LRRC4C: variants seen among roughly 807,000 people sequenced by gnomAD.
The protein encoded by LRRC4C is leucine-rich repeat-containing protein 4C.
A neutral mutation model predicts 33.6 loss-of-function variants in LRRC4C; 5 were observed. The observed-to-expected ratio is 0.15, with a 90% CI of 0.08 to 0.31. LRRC4C has a LOEUF of 0.31. LRRC4C is among the 10% of genes least tolerant of loss of function. LRRC4C has a pLI of 1.00. For synonymous variants in LRRC4C, 329 were observed against 302.0 expected (o/e 1.09, Z -0.93); for missense variants, 560 against 796.7 (o/e 0.70, Z 3.58).
intron 3 of LRRC4C, among the ~76,000 whole-genome samples, chr11:40,356,001 A>T (rs571552580): frequency 6.6e-6 from 1 of 152,132 alleles, no homozygotes; most frequent in East Asian, 1.9e-4. Flanking sequence ...ATAGTATGAG[A>T]TTAAGTGCAT....
intron 3 of LRRC4C, among the ~76,000 whole-genome samples, chr11:40,547,294 C>A (rs1271726737): frequency 6.6e-6 from 1 of 151,818 alleles, no homozygotes; most frequent in Non-Finnish European, 1.5e-5. Context: ...TTTTTCATTT[C>A]TTTCTAAAAT....
rs954697644 is a variant in LRRC4C at position 41,142,067 on chromosome 11, G to A, written c.-495-208344C>T. On this transcript the variant is annotated intron_variant, in intron 1 of 6. Transcript: ENST00000528697. ...ACTGGTATATCTATAGGACTAATGAGCTAATTTTTTATTACAATTACAAAA... is the reference window on the plus strand; with the variant it reads ...ACTGGTATATCTATAGGACTAATGAACTAATTTTTTATTACAATTACAAAA... 9.2e-5 allele frequency among the ~76,000 whole-genome samples: 14 copies of A among 152,064 alleles called. No homozygotes were observed. In the East Asian group the frequency reaches 2.5e-3, roughly 27 times the overall value.
intron 1 of LRRC4C, among the ~76,000 whole-genome samples, chr11:41,293,481 T>G (rs1950047907): frequency 6.6e-6 from 1 of 152,168 alleles, no homozygotes; most frequent in African/African-American, 2.4e-5. Flanking sequence ...ATTTTCATTG[T>G]TTTTGCCCTG....
At chr11:40,519,246 A>C (rs1400990496) in intron 3 of LRRC4C, among the ~76,000 whole-genome samples, 1 of 152,180 alleles carries the variant, frequency 6.6e-6, no homozygotes, top group African/African-American at 2.4e-5. Context: ...TAATAAAAAA[A>C]TCAAATAGTT....
At chr11:41,088,874 G>A (rs543191099) in intron 1 of LRRC4C, among the ~76,000 whole-genome samples, 150 of 152,140 alleles carry the variant, frequency 9.9e-4, no homozygotes, top group African/African-American at 3.4e-3. Context: ...GCAGAAGGAA[G>A]AGTCTAGATA....
Position 40,400,578 on chromosome 11 carries a change from T to G in LRRC4C, c.-269-80857A>C, listed in dbSNP as rs563333693. Reference sequence around the variant, plus strand: ...AAAAAAGTTAATTTCACATTTGGGATGTATCCTCTAGCTAGCCCTCCATCT... The same window carrying G: ...AAAAAAGTTAATTTCACATTTGGGAGGTATCCTCTAGCTAGCCCTCCATCT... On this transcript the variant is annotated intron_variant, in intron 3 of 6. Transcript: ENST00000528697. 3.3e-5 allele frequency among the ~76,000 whole-genome samples: 5 copies of G among 152,240 alleles called. No individual in the cohort carries two copies. The South Asian group carries it at 1.0e-3, about 32-fold the overall frequency.
intron 3 of LRRC4C, among the ~76,000 whole-genome samples, chr11:40,379,954 G>A (rs536968167): frequency 6.6e-6 from 1 of 152,188 alleles, no homozygotes; most frequent in African/African-American, 2.4e-5. Context: ...TCCTGTGGAT[G>A]ACTTTGATGT....
chr11:40,165,413 G>A (rs1473638562), intron 5 of LRRC4C, among the ~76,000 whole-genome samples: 1 of 152,100 alleles, frequency 6.6e-6, no homozygotes, highest in Admixed American at 6.6e-5. Context: ...CTGTTTGTCT[G>A]TGTGTACAAA....
intron 3 of LRRC4C, among the ~76,000 whole-genome samples, chr11:40,337,542 G>A (rs1006573721): frequency 1.3e-5 from 2 of 152,040 alleles, no homozygotes; most frequent in Non-Finnish European, 2.9e-5. Flanking sequence ...ACACCATAAG[G>A]TCAATAATCT....
chr11:41,327,170 C>T (rs1260639836), intron 1 of LRRC4C, among the ~76,000 whole-genome samples: 1 of 152,088 alleles, frequency 6.6e-6, no homozygotes, highest in African/African-American at 2.4e-5. Context: ...GAAGGCAGCC[C>T]ACCTTTTTCA....
At chr11:40,594,441 A>G (rs907556131) in intron 3 of LRRC4C, among the ~76,000 whole-genome samples, 12 of 152,164 alleles carry the variant, frequency 7.9e-5, no homozygotes, top group African/African-American at 2.9e-4. Flanking sequence ...GTTTTCTTTT[A>G]TGGGAATTCT....
intron 2 of LRRC4C, among the ~76,000 whole-genome samples, chr11:40,931,653 G>C (rs548390646): frequency 6.6e-6 from 1 of 150,930 alleles, no homozygotes; most frequent in South Asian, 2.1e-4. Context: ...AAGGATAAAG[G>C]GGTGTGTATG....
intron 1 of LRRC4C, among the ~76,000 whole-genome samples, chr11:41,214,800 T>C (rs1195233991): frequency 2.7e-5 from 4 of 146,072 alleles, no homozygotes; most frequent in African/African-American, 1.0e-4. Flanking sequence ...TGTGTGTATA[T>C]ATATGTGTGT....
intron 1 of LRRC4C, among the ~76,000 whole-genome samples, chr11:40,952,579 A>G (rs893072041): frequency 6.6e-6 from 1 of 151,934 alleles, no homozygotes; most frequent in Non-Finnish European, 1.5e-5. Context: ...TAAATAATTT[A>G]CTGAGACTGA....
intron 3 of LRRC4C, among the ~76,000 whole-genome samples, chr11:40,529,174 T>C (rs141970037): frequency 0.018 from 2,705 of 152,112 alleles, 42 homozygotes; most frequent in South Asian, 0.034. Context: ...AAGTTCTTAC[T>C]AAAAACAAAA....
chr11:40,999,651 C>A (rs777634989), intron 1 of LRRC4C, among the ~76,000 whole-genome samples: 20 of 151,490 alleles, frequency 1.3e-4, no homozygotes, highest in Non-Finnish European at 2.1e-4. Context: ...ATATTCAGAT[C>A]AATATTTTTT....
At chr11:40,197,648 C>T (rs1862371942) in intron 5 of LRRC4C, among the ~76,000 whole-genome samples, 1 of 152,170 alleles carries the variant, frequency 6.6e-6, no homozygotes, top group Non-Finnish European at 1.5e-5. Context: ...CATCATTCCC[C>T]ATGACATAGT....
chr11:40,868,541 C>T (rs1399126149), intron 2 of LRRC4C, among the ~76,000 whole-genome samples: 1 of 152,060 alleles, frequency 6.6e-6, no homozygotes, highest in East Asian at 1.9e-4. Flanking sequence ...AAGCCCTGAA[C>T]CCAAAACAGT....
chr11:40,684,871 A>G (rs1053562761), intron 2 of LRRC4C, among the ~76,000 whole-genome samples: 2 of 152,016 alleles, frequency 1.3e-5, no homozygotes, highest in African/African-American at 2.4e-5. Context: ...TCTCATAAAA[A>G]AGATGATTTT....
Sources: allele counts gnomAD v4.1 joint callset (sites outside exome capture counted in the v4.1 genomes callset), GRCh38; gene constraint gnomAD v4.1.1; transcripts MANE v1.5; gene names NCBI Gene and HGNC (gene_info 2026-07-23, HGNC 2026-07-21).